DNAH3: variants seen among roughly 807,000 people sequenced by gnomAD.
DNAH3 encodes axonemal beta dynein heavy chain 3.
Under a neutral mutation model 432.5 loss-of-function variants are expected in DNAH3, and 332 were observed. That is an observed-to-expected ratio of 0.77 (90% CI 0.70 to 0.84). The LOEUF (loss-of-function observed/expected upper bound fraction) is 0.84, where lower values mean the gene tolerates loss of function less well. Ranked by LOEUF, DNAH3 falls within the 40% of genes least tolerant of loss-of-function variation. The pLI, the probability that DNAH3 is intolerant of heterozygous loss-of-function variation, is 0.00. For missense variants in DNAH3, 4,861 were observed against 5,114.0 expected, an observed-to-expected ratio of 0.95 and a Z score of 1.51; for synonymous variants, 1,956 against 1,900.2, an observed-to-expected ratio of 1.03 and a Z score of -0.76.
intron 16 of DNAH3, among the ~76,000 whole-genome samples, chr16:21,102,348 T>C (rs2091857363): frequency 6.6e-6 from 1 of 152,244 alleles, no homozygotes; most frequent in Non-Finnish European, 1.5e-5. Flanking sequence ...CAGCATTTAC[T>C]GTCTCTAATT....
chr16:21,098,029 C>T (rs2091733104), intron 17 of DNAH3, among the ~76,000 whole-genome samples: 1 of 152,134 alleles, frequency 6.6e-6, no homozygotes, highest in African/African-American at 2.4e-5. Context: ...CATTGCTAAG[C>T]ACATAATAAA....
intron 19 of DNAH3, among the ~76,000 whole-genome samples, chr16:21,085,527 C>CAAAAAAAAA (rs34136946): frequency 1.2e-5 from 1 of 81,318 alleles, no homozygotes; most frequent in African/African-American, 4.7e-5. Context: ...GATTCCACCT[C>CAAAAAAAAA]AAAAAAAAAA....
intron 53 of DNAH3, among the ~76,000 whole-genome samples, chr16:20,961,770 T>G (rs1298973993): frequency 2.7e-5 from 4 of 149,090 alleles, no homozygotes; most frequent in East Asian, 2.0e-4. Flanking sequence ...TTTTTTTTTT[T>G]TTTTTTTTTG....
At chr16:21,094,530 G>A (rs530649808) in intron 18 of DNAH3, among the ~76,000 whole-genome samples, 1 of 152,222 alleles carries the variant, frequency 6.6e-6, no homozygotes, top group African/African-American at 2.4e-5. Context: ...AATTAGCCAG[G>A]TGTGGTGGCA....
In DNAH3 at chr16:20,974,579, G is replaced by GTTTTTTT. The variant is rs752437227; in HGVS notation, c.8259+647_8259+653dup. Among the ~76,000 whole-genome samples, 135 of 81,832 alleles carry GTTTTTTT rather than the reference G, an allele frequency of 1.6e-3. 3 individuals carry two copies. Among genetic ancestry groups the GTTTTTTT allele is most frequent in the East Asian group, 4.3e-3 (10 of 2,320 alleles). 53.7% of individuals were successfully genotyped at this position (81,832 alleles called of 152,430 possible). ...CCACTACACCTGGCTGTTTTATAGT[G>GTTTTTTT]TTTTTTTTTTTTTTTTTTTTTTGTA... On this transcript the variant is annotated intron_variant, in intron 51 of 61. Coordinates refer to ENST00000261383, the Ensembl canonical transcript of DNAH3.
chr16:20,976,040 C>T (rs1049549392), intron 50 of DNAH3, among the ~76,000 whole-genome samples: 7 of 151,998 alleles, frequency 4.6e-5, no homozygotes, highest in South Asian at 4.1e-4. Context: ...CCACCACGCC[C>T]GGCCAAGAAA....
intron 41 of DNAH3, among the ~76,000 whole-genome samples, chr16:21,010,663 T>C (rs1349962599): frequency 6.6e-6 from 1 of 152,090 alleles, no homozygotes; most frequent in Admixed American, 6.6e-5. Context: ...TCCCATAAAG[T>C]CAGGGAAGGC....
At chr16:21,120,181 G>A (rs922992719) in intron 11 of DNAH3, among the ~76,000 whole-genome samples, 5 of 139,564 alleles carry the variant, frequency 3.6e-5, no homozygotes, top group African/African-American at 1.4e-4. Flanking sequence ...ATAGCTCACT[G>A]CACCCTTGAA....
intron 25 of DNAH3, among the ~76,000 whole-genome samples, chr16:21,060,840 T>C (rs2152751794): frequency 6.7e-6 from 1 of 148,616 alleles, no homozygotes; most frequent in South Asian, 2.1e-4. Context: ...TTTTTTTTTT[T>C]TTTTTTTTAT....
At chr16:21,144,800 C>A (rs2092761047) in intron 3 of DNAH3, among the ~76,000 whole-genome samples, 1 of 152,034 alleles carries the variant, frequency 6.6e-6, no homozygotes, top group Non-Finnish European at 1.5e-5. Flanking sequence ...AAAAGGGGAG[C>A]CAGGATCAGA....
At chr16:20,944,799 AC>A in intron 57 of DNAH3, 136 bp from the exon 58 acceptor site, 1 of 814,270 alleles carries the variant, frequency 1.2e-6, no homozygotes. Context: ...ACACACACAC[AC>A]ACGCTGGGAG....
At chr16:20,957,701 G>A (rs2084625002) in intron 54 of DNAH3, among the ~76,000 whole-genome samples, 1 of 151,458 alleles carries the variant, frequency 6.6e-6, no homozygotes, top group Non-Finnish European at 1.5e-5. Flanking sequence ...AGTAGCCTCA[G>A]GAGGCCGAGG....
intron 48 of DNAH3, among the ~76,000 whole-genome samples, 199 bp downstream of exon 48, chr16:20,984,850 G>A (rs999396497): frequency 6.7e-6 from 1 of 148,848 alleles, no homozygotes; most frequent in Non-Finnish European, 1.5e-5. Flanking sequence ...GGGCAACAGA[G>A]CAAGACTGTC....
intron 54 of DNAH3, 71 bp downstream of exon 54, chr16:20,959,108 A>G (rs2084697278): frequency 1.3e-6 from 2 of 1,505,830 alleles, no homozygotes; most frequent in Non-Finnish European, 9.2e-7. Flanking sequence ...TGTCTTGGTC[A>G]TCTTCCCAGC....
At chr16:21,026,700 CAA>C (rs35667454) in intron 38 of DNAH3, among the ~76,000 whole-genome samples, 2 of 47,804 alleles carry the variant, frequency 4.2e-5, no homozygotes, top group African/African-American at 1.5e-4. Context: ...TACTCCGTCT[CAA>C]AAAAAAAAAA....
At chr16:21,080,249 A>G (rs2091135053) in intron 20 of DNAH3, among the ~76,000 whole-genome samples, 1 of 152,226 alleles carries the variant, frequency 6.6e-6, no homozygotes, top group Non-Finnish European at 1.5e-5. Context: ...GTGAGCCGAG[A>G]TTGTGCCATT....
chr16:21,034,597 A>G (rs979717490), intron 35 of DNAH3, among the ~76,000 whole-genome samples: 2 of 152,238 alleles, frequency 1.3e-5, no homozygotes, highest in African/African-American at 4.8e-5. Flanking sequence ...TTGAGATCTA[A>G]CTGCTTTGGT....
intron 44 of DNAH3, chr16:20,996,798 A>G (rs1417934234): frequency 6.5e-6 from 1 of 154,994 alleles, no homozygotes; most frequent in Non-Finnish European, 1.4e-5. Context: ...ATCAGAATAG[A>G]AGTACAGATC....
chr16:20,941,658 C>A, intron 58 of DNAH3, 115 bp from the exon 59 acceptor site: 1 of 1,319,054 alleles, frequency 7.6e-7, no homozygotes, highest in Non-Finnish European at 1.0e-6. Context: ...TGGGACTTTC[C>A]TGAGAACTCT....
Sources: gnomAD v4.1 joint callset for allele counts (sites outside exome capture counted in the v4.1 genomes callset) on GRCh38, gnomAD v4.1.1 for gene constraint, MANE v1.5 for transcripts, NCBI Gene and HGNC (gene_info 2026-07-23, HGNC 2026-07-21) for gene names.